The following HELQ variants were observed in gnomAD, a reference collection of about 807,000 sequenced individuals.
The protein encoded by HELQ is helicase POLQ-like.
HELQ carries 77 observed loss-of-function variants against 111.6 expected under a neutral mutation model. That is an observed-to-expected ratio of 0.69 (90% CI 0.57 to 0.83). The LOEUF (loss-of-function observed/expected upper bound fraction) is 0.83. HELQ is among the 40% of genes least tolerant of loss of function. The pLI, the probability that HELQ is intolerant of heterozygous loss-of-function variation, is 0.00. For synonymous variants in HELQ, 438 were observed against 454.7 expected (o/e 0.96, Z 0.47); for missense variants, 1,200 against 1,288.5 (o/e 0.93, Z 1.05).
rs1030716353 is a variant in HELQ, at chr4:83,416,675, C to T, written c.3198+56G>A. ...TGTTTTTGTTCTGATGTCTATAATACAAGGAAATAACACTACGCAAGATTA... is the reference window on the plus strand; with the variant it reads ...TGTTTTTGTTCTGATGTCTATAATATAAGGAAATAACACTACGCAAGATTA... On this transcript the variant is annotated intron_variant, in intron 17 of 17. Transcript: ENST00000295488. 13 of 1,554,592 alleles carry T rather than the reference C, an allele frequency of 8.4e-6. No homozygotes were observed. The African/African-American group carries it at 1.6e-4, about 20-fold the overall frequency.
intron 13 of HELQ, 49 bp downstream of exon 13, chr4:83,427,514 A>G (rs1269991479): frequency 2.8e-6 from 4 of 1,404,720 alleles, no homozygotes; most frequent in African/African-American, 1.5e-5. Flanking sequence ...AACAGCATGT[A>G]ATAATTCATA....
At chr4:83,416,669 A>AT (rs1739377163) in intron 17 of HELQ, 62 bp downstream of exon 17, 2 of 1,525,446 alleles carry the variant, frequency 1.3e-6, no homozygotes, top group Non-Finnish European at 1.8e-6. Flanking sequence ...TCTGATGTCT[A>AT]TAATACAAGG....
In HELQ at chr4:83,407,488, G is replaced by T. The variant is rs773645187; in HGVS notation, c.3271C>A (p.Pro1091Thr). ...EELLRLPSDF[P>T]GAVASSTDKA ...TCAGTGGAAGAAGCCACAGCACCAG[G>T]GAAATCAGAAGGCAATCTTAGTAAC... Residue 1091 changes from proline (P) to threonine (T), a missense_variant, in exon 18 of 18, where the codon CCT becomes ACT. Around this residue, in one of 3 missense-constraint regions of HELQ, gnomAD observed 585 missense variants for 665.3 expected, o/e 0.88. Transcript: ENST00000295488. The T allele has an allele frequency of 4.3e-6, 7 of 1,609,636 alleles. No individual in the cohort carries two copies. The highest frequency in any genetic ancestry group is 5.9e-6 in the Non-Finnish European group (7 of 1,178,540).
At chr4:83,425,396 T>C (rs1560544309) in intron 14 of HELQ, among the ~76,000 whole-genome samples, 1 of 148,996 alleles carries the variant, frequency 6.7e-6, no homozygotes, top group Non-Finnish European at 1.5e-5. Flanking sequence ...AGGGGGAAAA[T>C]AACATTCTCT....
intron 5 of HELQ, 23 bp downstream of exon 5, chr4:83,445,991 A>G (rs745366219): frequency 7.0e-7 from 1 of 1,436,648 alleles, no homozygotes; most frequent in South Asian, 1.2e-5. Context: ...TCAATTCATG[A>G]CCTCATTTGA....
At chr4:83,451,658 C>T (rs1358593637) in intron 2 of HELQ, among the ~76,000 whole-genome samples, 1 of 148,576 alleles carries the variant, frequency 6.7e-6, no homozygotes, top group South Asian at 2.1e-4. Flanking sequence ...CGCGAGACTC[C>T]GTCTCAAAAA....
chr4:83,450,092 T>A (rs528182888), intron 2 of HELQ, among the ~76,000 whole-genome samples: 1 of 151,756 alleles, frequency 6.6e-6, no homozygotes, highest in Admixed American at 6.6e-5. Context: ...GCATTGTTTG[T>A]AGGTAACAAA....
rs1303154293 is a variant in HELQ, at chr4:83,453,276, C to A, written c.967G>T (p.Val323Leu). The A allele has an allele frequency of 1.9e-6, 3 of 1,613,350 alleles. No individual in the cohort carries two copies. The highest frequency in any genetic ancestry group is 2.5e-6 in the Non-Finnish European group (3 of 1,179,746). The change falls in exon 2 of 18, where the codon GTG (valine) becomes TTG (leucine). Residue 323 changes from valine to leucine, a missense_variant. Coordinates refer to ENST00000295488, the MANE Select transcript of HELQ (RefSeq NM_133636.5). ...LGPFYSLPSK[V>L]RDLYAQFKGI... ...TTGAATTGGGCATAAAGGTCTCTCA[C>A]TTTGCTGGGTAATGAATAAAAAGGA...
intron 2 of HELQ, among the ~76,000 whole-genome samples, chr4:83,449,775 A>C (rs1380799357): frequency 1.3e-5 from 2 of 152,182 alleles, no homozygotes; most frequent in Non-Finnish European, 2.9e-5. Context: ...AAGCAGCAGA[A>C]ATGCAAATGG....
chr4:83,424,797 C>T (rs1270963605), intron 14 of HELQ, among the ~76,000 whole-genome samples: 1 of 151,924 alleles, frequency 6.6e-6, no homozygotes, highest in Non-Finnish European at 1.5e-5. Context: ...ACCTCATGGT[C>T]GCCCACCTCG....
intron 11 of HELQ, among the ~76,000 whole-genome samples, chr4:83,431,193 G>C (rs1009451003): frequency 3.4e-5 from 5 of 147,588 alleles, no homozygotes; most frequent in African/African-American, 1.1e-4. Flanking sequence ...AAGGTGGGAG[G>C]ACTGTTGAGG....
At chr4:83,424,219 T>C (rs1365250359) in intron 14 of HELQ, among the ~76,000 whole-genome samples, 1 of 152,194 alleles carries the variant, frequency 6.6e-6, no homozygotes, top group African/African-American at 2.4e-5. Flanking sequence ...ATTATTCTAA[T>C]AAGATTTTTG....
At chr4:83,413,470 T>C (rs1739209771) in intron 17 of HELQ, among the ~76,000 whole-genome samples, 1 of 152,156 alleles carries the variant, frequency 6.6e-6, no homozygotes, top group Non-Finnish European at 1.5e-5. Flanking sequence ...GAAACTATAA[T>C]GGAAAAGCCT....
intron 12 of HELQ, among the ~76,000 whole-genome samples, chr4:83,428,494 A>G (rs1719964749): frequency 6.6e-6 from 1 of 152,130 alleles, no homozygotes; most frequent in South Asian, 2.1e-4. Context: ...CCAGGAGACG[A>G]AGGTTGCAGC....
At position 83,453,362 on chromosome 4, in the gene HELQ, A is replaced by G; in HGVS notation, c.881T>C (p.Leu294Pro). The change falls in exon 2 of 18, where the codon CTC (leucine) becomes CCC (proline). Residue 294 changes from leucine (L) to proline (P), a missense_variant. This residue lies in a region of HELQ where 610 missense variants were observed against 607.1 expected (regional missense o/e 1.00). Transcript: ENST00000295488. ...FSRSKQLKDTLLSEEINVAKK... is the reference protein window; with the variant it reads ...FSRSKQLKDTPLSEEINVAKK... ...AGCAACATTAATTTCCTCAGATAGG[A>G]GAGTGTCTTTGAGCTGTTTACTTCT... 1 of 1,612,620 alleles carries G rather than the reference A, an allele frequency of 6.2e-7. No homozygotes were observed. The highest frequency in any genetic ancestry group is 8.5e-7 in the Non-Finnish European group (1 of 1,179,632).
At chr4:83,431,818 T>C in intron 10 of HELQ, 50 bp from the exon 11 acceptor site, 1 of 730,626 alleles carries the variant, frequency 1.4e-6, no homozygotes, top group African/African-American at 1.9e-5. Context: ...TAAAAATAAA[T>C]GGTATTTAAT....
At chr4:83,448,989 A>G (rs1721207108) in intron 2 of HELQ, 28 bp from the exon 3 acceptor site, 5 of 1,493,710 alleles carry the variant, frequency 3.3e-6, no homozygotes, top group South Asian at 2.5e-5. Context: ...AAAAGGCATT[A>G]TTTTCCCCTT....
At chr4:83,418,715 T>C (rs1739493088) in intron 15 of HELQ, among the ~76,000 whole-genome samples, 1 of 152,222 alleles carries the variant, frequency 6.6e-6, no homozygotes, top group Non-Finnish European at 1.5e-5. Context: ...TCTATTATAG[T>C]AGTTTATTTT....
intron 17 of HELQ, among the ~76,000 whole-genome samples, chr4:83,411,979 T>C (rs956314439): frequency 6.6e-6 from 1 of 152,090 alleles, no homozygotes; most frequent in East Asian, 1.9e-4. Context: ...GAACTACATA[T>C]AGGAAGCACA....
Sources: allele counts gnomAD v4.1 joint callset (sites outside exome capture counted in the v4.1 genomes callset), GRCh38; gene constraint gnomAD v4.1.1; regional missense constraint gnomAD v4.1.1; transcripts MANE v1.5; gene names NCBI Gene and HGNC (gene_info 2026-07-23, HGNC 2026-07-21).